The following ITGB8 variants were observed in gnomAD, a reference collection of about 807,000 sequenced individuals.
ITGB8 encodes integrin beta-8.
Under a neutral mutation model 89.5 loss-of-function variants are expected in ITGB8, and 30 were observed. The observed-to-expected ratio is 0.34, with a 90% CI of 0.25 to 0.45. The LOEUF is 0.45. ITGB8 is among the 20% of genes least tolerant of loss of function. ITGB8 has a pLI of 1.00. For synonymous variants in ITGB8, 335 were observed against 320.4 expected (o/e 1.05, Z -0.49); for missense variants, 836 against 933.3 (o/e 0.90, Z 1.36).
At chr7:20,405,841 T>G (rs1299493102) in intron 11 of ITGB8, among the ~76,000 whole-genome samples, 1 of 152,204 alleles carries the variant, frequency 6.6e-6, no homozygotes, top group Admixed American at 6.5e-5. Context: ...CTTTCTCAGA[T>G]TAGTAGCTCA....
intron 1 of ITGB8, among the ~76,000 whole-genome samples, chr7:20,342,179 A>G (rs999291330): frequency 5.9e-5 from 9 of 152,190 alleles, no homozygotes. Context: ...GCTCCAGAGG[A>G]CGTAAGAATT....
At chr7:20,374,237 G>A (rs545889073) in intron 3 of ITGB8, among the ~76,000 whole-genome samples, 1 of 152,230 alleles carries the variant, frequency 6.6e-6, no homozygotes, top group African/African-American at 2.4e-5. Flanking sequence ...TCTTTCTGTA[G>A]TAAACATGTG....
intron 8 of ITGB8, among the ~76,000 whole-genome samples, chr7:20,397,686 A>G (rs1432102688): frequency 6.6e-6 from 1 of 152,240 alleles, no homozygotes. Flanking sequence ...TAATTGTTGC[A>G]GTGTGTATGA....
chr7:20,346,715 T>G (rs10224046), intron 1 of ITGB8: 284,210 of 984,308 alleles, frequency 0.29, 43,446 homozygotes, highest in Non-Finnish European at 0.31. Flanking sequence ...CACTCTTGAC[T>G]CCAGATGATT....
rs1786394432 is a variant in ITGB8, at chr7:20,381,560, A to G, written c.802-167A>G. Reference sequence around the variant, plus strand: ...TCACATGGCTGTGGGAAAATAGAGGATGTACAAATAAAAGTTAAAGCTATT... The same window carrying G: ...TCACATGGCTGTGGGAAAATAGAGGGTGTACAAATAAAAGTTAAAGCTATT... On this transcript the variant is annotated intron_variant, in intron 5 of 13. Coordinates refer to ENST00000222573, the MANE Select transcript of ITGB8 (RefSeq NM_002214.3). 1.7e-5 allele frequency: 9 copies of G among 535,862 alleles called. No homozygotes were observed. The South Asian group carries it at 2.3e-4, about 14-fold the overall frequency. The allele number at this position is 535,862 out of a possible 1,614,324, so 33.2% of individuals were successfully genotyped here.
chr7:20,380,612 C>G (rs1786339960), intron 4 of ITGB8, 54 bp from the exon 5 acceptor site: 1 of 1,420,082 alleles, frequency 7.0e-7, no homozygotes, highest in Non-Finnish European at 9.9e-7. Flanking sequence ...TTAAGTATTC[C>G]AGAATGCTTA....
chr7:20,395,959 G>A (rs759907018), intron 8 of ITGB8, among the ~76,000 whole-genome samples: 1 of 152,098 alleles, frequency 6.6e-6, no homozygotes, highest in Non-Finnish European at 1.5e-5. Flanking sequence ...TTGAATTTAT[G>A]GGCCAACTAT....
Position 20,381,894 on chromosome 7 carries a change from G to A in ITGB8, c.960+9G>A, listed in dbSNP as rs986585536. ...TCAAATCGACAACCATGGTAATGCA[G>A]CAGTAACCGCTTAGTAGATATGACT... On this transcript the variant is annotated intron_variant, in intron 6 of 13. Coordinates refer to ENST00000222573, the MANE Select transcript of ITGB8 (RefSeq NM_002214.3). 6.2e-7 allele frequency: 1 copy of A among 1,607,126 alleles called. No homozygotes were observed. Among genetic ancestry groups the A allele is most frequent in the African/African-American group, 1.3e-5 (1 of 74,522 alleles).
At chr7:20,407,358 AC>A (rs1020659042) in intron 12 of ITGB8, among the ~76,000 whole-genome samples, 1 of 151,774 alleles carries the variant, frequency 6.6e-6, no homozygotes, top group African/African-American at 2.4e-5. Context: ...AAAAAAAAAA[AC>A]AACAAAAGCA....
Position 20,379,107 on chromosome 7 carries a change from C to CT in ITGB8, c.448dup (p.Tyr150LeufsTer5). 2 of 1,595,708 alleles carry CT rather than the reference C, an allele frequency of 1.3e-6. No homozygotes were observed. Among genetic ancestry groups the CT allele is most frequent in the Non-Finnish European group, 1.7e-6 (2 of 1,167,656 alleles). ...TCCTCTGAAGAAATATCCTGTGGAT[C>CT]TTTATTATCTTGTTGATGTCTCAGC... is the stretch of plus-strand genomic sequence containing the variant. On this transcript the variant is annotated frameshift_variant, in exon 4 of 14. Coordinates refer to ENST00000222573, the MANE Select transcript of ITGB8 (RefSeq NM_002214.3). LOFTEE classifies it high-confidence loss of function.
intron 1 of ITGB8, chr7:20,346,659 C>T (rs1037820922): frequency 6.1e-6 from 6 of 980,330 alleles, no homozygotes; most frequent in East Asian, 1.1e-4. Context: ...GACTCTACCC[C>T]GTTTCCTGCC....
chr7:20,381,607 C>T lies in ITGB8; in HGVS notation c.802-120C>T, dbSNP rs1320588552. 2.9e-5 allele frequency: 20 copies of T among 689,240 alleles called. No homozygotes were observed. The South Asian group carries it at 3.6e-4, about 12-fold the overall frequency. The allele number at this position is 689,240 out of a possible 1,614,324, so 42.7% of individuals were successfully genotyped here. Reference sequence around the variant, plus strand: ...TATTTACGCAGCAGCGTTGTACCCACGCACATCGTTCTAGCCTGACTTACT... The same window carrying T: ...TATTTACGCAGCAGCGTTGTACCCATGCACATCGTTCTAGCCTGACTTACT... On this transcript the variant is annotated intron_variant, in intron 5 of 13. Transcript: ENST00000222573.
chr7:20,338,379 C>T (rs1784643720), intron 1 of ITGB8, among the ~76,000 whole-genome samples: 1 of 152,120 alleles, frequency 6.6e-6, no homozygotes. Flanking sequence ...GTAATCCCAT[C>T]ACTTTGGGAG....
intron 8 of ITGB8, 48 bp from the exon 9 acceptor site, chr7:20,398,812 A>T (rs746621359): frequency 7.3e-7 from 1 of 1,369,846 alleles, no homozygotes; most frequent in Non-Finnish European, 9.7e-7. Flanking sequence ...TTTGTTGCTG[A>T]CATTTGAAAC....
chr7:20,337,754 G>A (rs1453004508), intron 1 of ITGB8, among the ~76,000 whole-genome samples: 1 of 152,188 alleles, frequency 6.6e-6, no homozygotes, highest in Non-Finnish European at 1.5e-5. Context: ...ACCTTGGAAG[G>A]TTCAGCTCTA....
intron 1 of ITGB8, among the ~76,000 whole-genome samples, chr7:20,354,193 G>A (rs369895754): frequency 5.3e-5 from 8 of 152,256 alleles, no homozygotes; most frequent in East Asian, 1.9e-4. Context: ...TATATTGAGT[G>A]TATGTACAAG....
At position 20,331,067 on chromosome 7, in the gene ITGB8, G is replaced by C. The variant is rs1784368257; in HGVS notation, c.-740G>C. The stretch of plus-strand genomic sequence containing the variant: ...CAGGCCCCACTCCCCGCCAGGGAGG[G>C]AGCGGCGATGCCTCGCTCTGTGCCT... On this transcript the variant is annotated 5_prime_UTR_variant, in exon 1 of 14. Coordinates refer to ENST00000222573, the MANE Select transcript of ITGB8 (RefSeq NM_002214.3). 6.6e-6 allele frequency: 1 copy of C among 152,604 alleles called. No individual in the cohort carries two copies. The highest frequency in any genetic ancestry group is 2.4e-5 in the African/African-American group (1 of 41,500). The allele number at this position is 152,604 out of a possible 1,614,324, so 9.5% of individuals were successfully genotyped here.
Position 20,331,665 on chromosome 7 carries a change from C to T in ITGB8, c.-142C>T. 9.6e-7 allele frequency: 1 copy of T among 1,046,382 alleles called. No individual in the cohort carries two copies. Among genetic ancestry groups the T allele is most frequent in the Non-Finnish European group, 1.3e-6 (1 of 764,134 alleles). The allele number at this position is 1,046,382 out of a possible 1,614,324, so 64.8% of individuals were successfully genotyped here. A position where few individuals can be genotyped will look rare whatever the true frequency, so the allele number is the denominator to read the frequency against. On this transcript the variant is annotated 5_prime_UTR_variant, in exon 1 of 14. Coordinates refer to ENST00000222573, the MANE Select transcript of ITGB8 (RefSeq NM_002214.3). ...GCCCGCTTACCTGCACCGCTTGCTC[C>T]GAGCCGCGGGGTCCGCCTGCTAGGC...
intron 5 of ITGB8, 58 bp from the exon 6 acceptor site, chr7:20,381,669 A>C: frequency 7.3e-7 from 1 of 1,364,734 alleles, no homozygotes; most frequent in Non-Finnish European, 1.0e-6. Flanking sequence ...CTTGAGGTAA[A>C]AACCACAGTA....
Sources: gnomAD v4.1 joint callset for allele counts (sites outside exome capture counted in the v4.1 genomes callset) on GRCh38, gnomAD v4.1.1 for gene constraint, MANE v1.5 for transcripts, NCBI Gene and HGNC (gene_info 2026-07-23, HGNC 2026-07-21) for gene names.